The following MACROD2 variants were observed in gnomAD, a reference collection of about 807,000 sequenced individuals.
MACROD2 encodes the protein mono-ADP ribosylhydrolase 2.
A neutral mutation model predicts 70.4 loss-of-function variants in MACROD2; 36 were observed. The observed-to-expected ratio is 0.51, with a 90% CI of 0.39 to 0.68. The LOEUF (loss-of-function observed/expected upper bound fraction) is 0.68, where lower values mean the gene tolerates loss of function less well. MACROD2 is among the 30% of genes least tolerant of loss of function. MACROD2 has a pLI of 0.00. For synonymous variants in MACROD2, 172 were observed against 178.8 expected (o/e 0.96, Z 0.30); for missense variants, 496 against 538.4 (o/e 0.92, Z 0.78).
chr20:15,022,487 T>G (rs1434136934), intron 5 of MACROD2, among the ~76,000 whole-genome samples: 1 of 152,198 alleles, frequency 6.6e-6, no homozygotes, highest in African/African-American at 2.4e-5. Flanking sequence ...AAAGGGACTA[T>G]TAGAAGCAGA....
At chr20:14,525,133 G>T (rs2085216251) in intron 4 of MACROD2, among the ~76,000 whole-genome samples, 1 of 152,040 alleles carries the variant, frequency 6.6e-6, no homozygotes, top group South Asian at 2.1e-4. Flanking sequence ...GTACCCACTG[G>T]ATATATTAGC....
chr20:14,697,255 T>C (rs1258982079), intron 5 of MACROD2, among the ~76,000 whole-genome samples: 1 of 152,184 alleles, frequency 6.6e-6, no homozygotes, highest in African/African-American at 2.4e-5. Flanking sequence ...ACAAAAGTTA[T>C]TTTGATTTTC....
intron 15 of MACROD2, among the ~76,000 whole-genome samples, chr20:15,989,324 T>A (rs1269105999): frequency 6.6e-6 from 1 of 152,182 alleles, no homozygotes; most frequent in Non-Finnish European, 1.5e-5. Flanking sequence ...GGCAGCACCA[T>A]CTCAGGCCAG....
Position 14,846,372 on chromosome 20 carries a change from C to T in MACROD2, c.418+161413C>T, listed in dbSNP as rs564070438. On this transcript the variant is annotated intron_variant, in intron 5 of 17. Coordinates refer to ENST00000684519, the MANE Select transcript of MACROD2 (RefSeq NM_001351661.2). ...CTGAGTAGCTGGAGTTACAGGCGCA[C>T]GCCACCATGCCTGGCTAATTTTTTG... 9.9e-5 allele frequency among the ~76,000 whole-genome samples: 15 copies of T among 152,102 alleles called. No individual in the cohort carries two copies. The East Asian group carries it at 1.2e-3, about 12-fold the overall frequency.
At chr20:15,315,902 T>G (rs1356663816) in intron 6 of MACROD2, among the ~76,000 whole-genome samples, 5 of 152,112 alleles carry the variant, frequency 3.3e-5, no homozygotes, top group Admixed American at 6.5e-5. Context: ...CATAAAGATG[T>G]AATTTGTAAC....
At chr20:14,575,411 A>G (rs1980529095) in intron 4 of MACROD2, among the ~76,000 whole-genome samples, 1 of 152,170 alleles carries the variant, frequency 6.6e-6, no homozygotes, top group East Asian at 1.9e-4. Context: ...TCTGGAAAAC[A>G]CCACTGTACA....
At chr20:15,582,939 A>G (rs1252550534) in intron 8 of MACROD2, among the ~76,000 whole-genome samples, 4 of 152,180 alleles carry the variant, frequency 2.6e-5, no homozygotes, top group Non-Finnish European at 5.9e-5. Context: ...GCAATTGAAA[A>G]TGGCCTCGGC....
At chr20:15,993,842 A>G (rs1273054004) in intron 15 of MACROD2, among the ~76,000 whole-genome samples, 1 of 152,176 alleles carries the variant, frequency 6.6e-6, no homozygotes, top group African/African-American at 2.4e-5. Flanking sequence ...CATTACTACA[A>G]GTTTTCTACA....
At chr20:14,226,361 C>T (rs533945569) in intron 3 of MACROD2, among the ~76,000 whole-genome samples, 1 of 152,342 alleles carries the variant, frequency 6.6e-6, no homozygotes, top group Admixed American at 6.5e-5. Flanking sequence ...GTCCTCACAG[C>T]CTTCGCTCGC....
chr20:14,683,754 A>G (rs186720975), intron 4 of MACROD2, among the ~76,000 whole-genome samples: 6 of 152,274 alleles, frequency 3.9e-5, no homozygotes, highest in Admixed American at 3.3e-4. Context: ...GATCAATTAC[A>G]TGGTGTTATG....
At chr20:15,991,048 A>T (rs1252181718) in intron 15 of MACROD2, among the ~76,000 whole-genome samples, 1 of 87,654 alleles carries the variant, frequency 1.1e-5, no homozygotes, top group Non-Finnish European at 2.8e-5. Context: ...GAGGTGCCCT[A>T]GGCCAGGCAA....
intron 5 of MACROD2, among the ~76,000 whole-genome samples, chr20:15,207,355 GT>G (rs1390639123): frequency 1.3e-5 from 2 of 149,188 alleles, no homozygotes; most frequent in African/African-American, 5.0e-5. Context: ...GTTTGACAGA[GT>G]TTTAATTTTA....
chr20:14,350,749 C>G (rs204618), intron 3 of MACROD2, among the ~76,000 whole-genome samples: 3 of 152,198 alleles, frequency 2.0e-5, no homozygotes, highest in South Asian at 4.2e-4. Context: ...TGTGCAGAAA[C>G]TTTTTAACTT....
At position 15,971,961 on chromosome 20, in the gene MACROD2, ACT is replaced by A. The variant is rs1176463422; in HGVS notation, c.985+4334_985+4335del. On this transcript the variant is annotated intron_variant, in intron 13 of 17. Coordinates refer to ENST00000684519, the MANE Select transcript of MACROD2 (RefSeq NM_001351661.2). ...AAAGGGCATGTTAAAAGTTGTTATA[ACT>A]CTGTTCCACATATTTACAAAATTAA... Among the ~76,000 whole-genome samples the A allele has an allele frequency of 3.9e-5, 6 of 152,252 alleles. No homozygotes were observed. In the East Asian group the frequency reaches 9.6e-4, roughly 24 times the overall value.
At chr20:15,408,882 T>A (rs2046039932) in intron 6 of MACROD2, among the ~76,000 whole-genome samples, 1 of 152,258 alleles carries the variant, frequency 6.6e-6, no homozygotes, top group South Asian at 2.1e-4. Flanking sequence ...TCATTTTATC[T>A]CTTCTGCTTC....
At chr20:14,954,312 T>C (rs1210381397) in intron 5 of MACROD2, among the ~76,000 whole-genome samples, 1 of 151,648 alleles carries the variant, frequency 6.6e-6, no homozygotes, top group Non-Finnish European at 1.5e-5. Context: ...CCAAAATGTA[T>C]TTACCACATT....
chr20:14,167,433 G>A (rs955579199), intron 3 of MACROD2, among the ~76,000 whole-genome samples: 21 of 151,792 alleles, frequency 1.4e-4, no homozygotes, highest in Non-Finnish European at 1.3e-4. Flanking sequence ...GCTCAGGCTG[G>A]AGTGCAATGG....
intron 8 of MACROD2, among the ~76,000 whole-genome samples, chr20:15,762,944 T>C (rs2051459654): frequency 8.5e-5 from 13 of 152,236 alleles, no homozygotes; most frequent in Admixed American, 8.5e-4. Flanking sequence ...GAAGTCTTGG[T>C]GTCTTACATC....
intron 5 of MACROD2, among the ~76,000 whole-genome samples, chr20:15,012,871 C>T (rs1398028070): frequency 6.6e-6 from 1 of 152,152 alleles, no homozygotes; most frequent in African/African-American, 2.4e-5. Flanking sequence ...GTTTCCTGTG[C>T]ACCTTGGCCA....
Sources: gnomAD v4.1 joint callset for allele counts (sites outside exome capture counted in the v4.1 genomes callset) on GRCh38, gnomAD v4.1.1 for gene constraint, MANE v1.5 for transcripts, NCBI Gene and HGNC (gene_info 2026-07-23, HGNC 2026-07-21) for gene names.